Variants in SNX9 observed in about 807,000 individuals in gnomAD.
SNX9 encodes the protein sorting nexin-9.
A neutral mutation model predicts 89.4 loss-of-function variants in SNX9; 44 were observed. The ratio of observed to expected loss-of-function variants is 0.49; its 90% CI spans 0.39 to 0.63. The LOEUF is 0.63. Ranked by LOEUF, SNX9 falls within the 30% of genes least tolerant of loss-of-function variation. SNX9 has a pLI of 0.00. For synonymous variants in SNX9, 236 were observed against 247.8 expected (o/e 0.95, Z 0.45); for missense variants, 578 against 736.1 (o/e 0.79, Z 2.49).
intron 1 of SNX9, among the ~76,000 whole-genome samples, chr6:157,839,997 G>GA (rs1316871451): frequency 1.3e-5 from 2 of 151,892 alleles, no homozygotes; most frequent in Admixed American, 6.6e-5. Context: ...GAAAGCAGGT[G>GA]AAAAAAAACA....
At position 157,897,925 on chromosome 6, in the gene SNX9, C is replaced by G. The variant is rs1314468113; in HGVS notation, c.472+927C>G. ...ATCCTGGCTTGGTCCTTCTGTTGAC[C>G]AGCCCCCATCCCACCAGGAGTCACC... On this transcript the variant is annotated intron_variant, in intron 5 of 17. Coordinates refer to ENST00000392185, the MANE Select transcript of SNX9 (RefSeq NM_016224.5). 5.9e-5 allele frequency among the ~76,000 whole-genome samples: 9 copies of G among 152,286 alleles called. No homozygotes were observed. The East Asian group carries it at 1.7e-3, about 29-fold the overall frequency.
At chr6:157,902,547 A>G (rs1167905214) in intron 6 of SNX9, among the ~76,000 whole-genome samples, 2 of 152,198 alleles carry the variant, frequency 1.3e-5, no homozygotes, top group South Asian at 2.1e-4. Flanking sequence ...TGTTCCAGTC[A>G]GGAAGCCAGG....
chr6:157,865,736 T>C (rs1782248753), intron 1 of SNX9, among the ~76,000 whole-genome samples: 1 of 152,284 alleles, frequency 6.6e-6, no homozygotes, highest in Non-Finnish European at 1.5e-5. Context: ...TTGGCTTTTT[T>C]TTCTTAGTCT....
intron 1 of SNX9, among the ~76,000 whole-genome samples, chr6:157,850,866 A>C (rs1781896936): frequency 6.6e-6 from 1 of 152,248 alleles, no homozygotes; most frequent in Non-Finnish European, 1.5e-5. Flanking sequence ...TCAGCTGAAT[A>C]AGGCTAACGC....
At chr6:157,939,375 AC>A (rs1458992143) in intron 16 of SNX9, among the ~76,000 whole-genome samples, 2 of 152,144 alleles carry the variant, frequency 1.3e-5, no homozygotes, top group Non-Finnish European at 2.9e-5. Flanking sequence ...TTGTGAAGGA[AC>A]TTGAAAGCTC....
chr6:157,881,196 T>G (rs1214637567), intron 4 of SNX9, among the ~76,000 whole-genome samples: 1 of 152,250 alleles, frequency 6.6e-6, no homozygotes, highest in South Asian at 2.1e-4. Flanking sequence ...ATTCTTGCAA[T>G]GTTTCATACT....
intron 9 of SNX9, among the ~76,000 whole-genome samples, chr6:157,914,752 AGAG>A (rs1439885020): frequency 6.6e-6 from 1 of 152,144 alleles, no homozygotes; most frequent in Non-Finnish European, 1.5e-5. Flanking sequence ...TGTTGGGATT[AGAG>A]GCATGAGCTA....
rs149095496 is a variant in SNX9 at position 157,893,162 on chromosome 6, G to A, written c.301-3665G>A. Among the ~76,000 whole-genome samples, 1,170 of 152,256 alleles carry A rather than the reference G, an allele frequency of 7.7e-3. 9 individuals are homozygous for A. The highest frequency in any genetic ancestry group is 0.013 in the Non-Finnish European group (876 of 68,008). On this transcript the variant is annotated intron_variant, in intron 4 of 17. Coordinates refer to ENST00000392185, the MANE Select transcript of SNX9 (RefSeq NM_016224.5). ...ATTTCCTTAAAGAAAACTGTAGAAGGAAGGGTTTCTCTTAGCTGAAGTGTG... is the reference window on the plus strand; with the variant it reads ...ATTTCCTTAAAGAAAACTGTAGAAGAAAGGGTTTCTCTTAGCTGAAGTGTG...
chr6:157,897,082 C>A, intron 5 of SNX9, 84 bp downstream of exon 5: 2 of 1,323,576 alleles, frequency 1.5e-6, no homozygotes, highest in Non-Finnish European at 2.0e-6. Context: ...TTTTGCTGTT[C>A]CCACACTCAG....
chr6:157,877,018 A>G (rs1462510377), intron 4 of SNX9, among the ~76,000 whole-genome samples: 1 of 152,254 alleles, frequency 6.6e-6, no homozygotes, highest in Non-Finnish European at 1.5e-5. Flanking sequence ...AAGAATTGTA[A>G]TGAGGTAATG....
intron 1 of SNX9, among the ~76,000 whole-genome samples, chr6:157,834,171 T>G (rs1326764036): frequency 3.3e-5 from 4 of 121,996 alleles, no homozygotes; most frequent in South Asian, 3.2e-4. Context: ...TTTTTTTTTT[T>G]TTTTTTTTTT....
chr6:157,847,645 T>C (rs915028467), intron 1 of SNX9, among the ~76,000 whole-genome samples: 1 of 152,120 alleles, frequency 6.6e-6, no homozygotes, highest in Non-Finnish European at 1.5e-5. Flanking sequence ...TCTGTGCTGA[T>C]GGATTAATAA....
rs2115164394 is a variant in SNX9 at position 157,896,879 on chromosome 6, A to G, written c.353A>G (p.Asn118Ser). 6.2e-7 allele frequency: 1 copy of G among 1,613,548 alleles called. No individual in the cohort carries two copies. The highest frequency in any genetic ancestry group is 1.1e-5 in the South Asian group (1 of 91,038). Residue 118 changes from asparagine (N) to serine (S), a missense_variant, in exon 5 of 18, where the codon AAC (asparagine) becomes AGC (serine). By Grantham distance (46) the Asn-to-Ser change is conservative (BLOSUM62 1). This residue lies in a region of SNX9 where 230 missense variants were observed against 244.7 expected (regional missense o/e 0.94). Coordinates refer to ENST00000392185, the MANE Select transcript of SNX9 (RefSeq NM_016224.5). Reference sequence around the variant, plus strand: ...GCCTGGAGTGCCTCCAAATCTGGGAACTGGGAAAGCTCAGAAGGCTGGGGG... The same window carrying G: ...GCCTGGAGTGCCTCCAAATCTGGGAGCTGGGAAAGCTCAGAAGGCTGGGGG... ...WSAWSASKSG[N>S]WESSEGWGAQ...
Position 157,823,524 on chromosome 6 carries a change from G to A in SNX9, c.12+78G>A, listed in dbSNP as rs1294461058. On this transcript the variant is annotated intron_variant, in intron 1 of 17. Coordinates refer to ENST00000392185, the MANE Select transcript of SNX9 (RefSeq NM_016224.5). The surrounding 1 kb of genome is among the most constrained non-coding windows in gnomAD (Gnocchi z 4.6). ...GGAGAGGGTCGGGGCCGGGGCCGCG[G>A]GGAGGGTCGGGGCCAGGGGTGGTCG... 26 of 1,126,446 alleles carry A rather than the reference G, an allele frequency of 2.3e-5. No homozygotes were observed. Among genetic ancestry groups the A allele is most frequent in the South Asian group, 4.4e-5 (1 of 22,770 alleles). 69.8% of individuals were successfully genotyped at this position (1,126,446 alleles called of 1,614,324 possible). A position where few individuals can be genotyped will look rare whatever the true frequency, so the allele number is the denominator to read the frequency against.
chr6:157,876,789 G>A (rs947266810), intron 4 of SNX9, among the ~76,000 whole-genome samples: 2 of 152,200 alleles, frequency 1.3e-5, no homozygotes, highest in African/African-American at 2.4e-5. Context: ...CTAGTGGGGC[G>A]GGCCCATCCT....
rs377257959 is a variant in SNX9, at chr6:157,942,377, A to G, written c.1741-414A>G. On this transcript the variant is annotated intron_variant, in intron 17 of 17. Coordinates refer to ENST00000392185, the MANE Select transcript of SNX9 (RefSeq NM_016224.5). ...ACAGGCAGGCTCGTGCTGTCTGCAC[A>G]CTCAGCAGTGACAGCAGGGTGTGGC... Among the ~76,000 whole-genome samples, 15 of 152,278 alleles carry G rather than the reference A, an allele frequency of 9.9e-5. No individual in the cohort carries two copies. The East Asian group carries it at 2.5e-3, about 25-fold the overall frequency.
intron 5 of SNX9, among the ~76,000 whole-genome samples, chr6:157,899,983 C>T (rs1783061663): frequency 6.6e-6 from 1 of 152,004 alleles, no homozygotes; most frequent in African/African-American, 2.4e-5. Context: ...GCAGGTTTCC[C>T]AAATATAATG....
intron 1 of SNX9, among the ~76,000 whole-genome samples, chr6:157,829,738 T>A (rs1210681206): frequency 6.6e-6 from 1 of 152,226 alleles, no homozygotes; most frequent in African/African-American, 2.4e-5. Flanking sequence ...ACTATATTTC[T>A]AATGTTAATG....
chr6:157,890,124 C>T (rs1202927832), intron 4 of SNX9, among the ~76,000 whole-genome samples: 1 of 152,218 alleles, frequency 6.6e-6, no homozygotes, highest in Non-Finnish European at 1.5e-5. Flanking sequence ...ATTCCAATAG[C>T]TTCCTAAAGG....
Sources: gnomAD v4.1 joint callset for allele counts (sites outside exome capture counted in the v4.1 genomes callset) on GRCh38, gnomAD v4.1.1 for gene constraint, gnomAD v4.1.1 regional missense constraint, Gnocchi (gnomAD v3.1) non-coding constraint, MANE v1.5 for transcripts, NCBI Gene and HGNC (gene_info 2026-07-23, HGNC 2026-07-21) for gene names.